Variants in PLA2G4A observed in about 807,000 individuals in gnomAD.
PLA2G4A encodes cytosolic phospholipase A2.
In PLA2G4A, 40 loss-of-function variants were observed where a neutral mutation model predicts 81.9. That is an observed-to-expected ratio of 0.49 (90% CI 0.38 to 0.64). PLA2G4A has a LOEUF of 0.64. PLA2G4A is among the 30% of genes least tolerant of loss of function. PLA2G4A has a pLI of 0.00. For synonymous variants in PLA2G4A, 302 were observed against 296.9 expected, an observed-to-expected ratio of 1.02 and a Z score of -0.18; for missense variants, 715 against 905.1, an observed-to-expected ratio of 0.79 and a Z score of 2.69.
At chr1:186,962,298 T>C (rs1300453749) in intron 14 of PLA2G4A, among the ~76,000 whole-genome samples, 3 of 152,202 alleles carry the variant, frequency 2.0e-5, no homozygotes, top group Non-Finnish European at 4.4e-5. Flanking sequence ...AGATTTGTAC[T>C]ATGCACAGTT....
At chr1:186,871,190 G>C (rs12720512) in intron 3 of PLA2G4A, among the ~76,000 whole-genome samples, 1 of 152,074 alleles carries the variant, frequency 6.6e-6, no homozygotes, top group South Asian at 2.1e-4. Flanking sequence ...GAAATGATGC[G>C]ATCCACAGCC....
At chr1:186,871,146 T>C (rs1379025106) in intron 3 of PLA2G4A, among the ~76,000 whole-genome samples, 1 of 152,164 alleles carries the variant, frequency 6.6e-6, no homozygotes, top group Non-Finnish European at 1.5e-5. Flanking sequence ...TTATTTTGTA[T>C]GGAATAGCCA....
At chr1:186,831,255 T>C (rs557819029) in intron 1 of PLA2G4A, among the ~76,000 whole-genome samples, 163 of 152,222 alleles carry the variant, frequency 1.1e-3, no homozygotes, top group Non-Finnish European at 1.7e-3. Context: ...TTTCTGATAA[T>C]ATAAAATGAT....
At chr1:186,829,955 A>C (rs1651488760) in intron 1 of PLA2G4A, among the ~76,000 whole-genome samples, 1 of 152,218 alleles carries the variant, frequency 6.6e-6, no homozygotes, top group Non-Finnish European at 1.5e-5. Flanking sequence ...TATATTTGCC[A>C]ATATAATTTG....
At chr1:186,884,290 A>C (rs1001140850) in intron 3 of PLA2G4A, among the ~76,000 whole-genome samples, 1 of 147,874 alleles carries the variant, frequency 6.8e-6, no homozygotes, top group Non-Finnish European at 1.5e-5. Flanking sequence ...TGTGAGTCTG[A>C]ATTGTGTCCT....
At chr1:186,937,090 T>A (rs1018899051) in intron 8 of PLA2G4A, among the ~76,000 whole-genome samples, 1 of 151,632 alleles carries the variant, frequency 6.6e-6, no homozygotes, top group African/African-American at 2.4e-5. Context: ...AGGGACACCA[T>A]GAAAAGATTA....
intron 3 of PLA2G4A, 52 bp from the exon 4 acceptor site, chr1:186,892,959 G>C: frequency 7.6e-7 from 1 of 1,317,144 alleles, no homozygotes; most frequent in Non-Finnish European, 1.1e-6. Context: ...AAAAAATTAG[G>C]AACTATGAAT....
chr1:186,895,288 A>C (rs1654294860), intron 5 of PLA2G4A, among the ~76,000 whole-genome samples: 2 of 152,200 alleles, frequency 1.3e-5, no homozygotes, highest in Admixed American at 1.3e-4. Flanking sequence ...ACTTAGCCCA[A>C]ATGAGCTTCT....
chr1:186,946,617 T>C lies in PLA2G4A; in HGVS notation c.1034-20T>C. The C allele has an allele frequency of 3.8e-6, 6 of 1,588,976 alleles. No individual in the cohort carries two copies. The highest frequency in any genetic ancestry group is 5.2e-6 in the Non-Finnish European group (6 of 1,157,872). The stretch of plus-strand genomic sequence containing the variant: ...GCATTTTCCTATTAATGGATTGCCT[T>C]GTTTTTAAAATACTTTCAGATTGGG... On this transcript the variant is annotated intron_variant, in intron 10 of 17. Transcript: ENST00000367466.
rs777497527 is a variant in PLA2G4A, at chr1:186,911,348, T to C, written c.517T>C (p.Leu173=). The C allele has an allele frequency of 2.5e-6, 4 of 1,611,968 alleles. No individual in the cohort carries two copies. Among genetic ancestry groups the C allele is most frequent in the Middle Eastern group, 1.7e-4 (1 of 6,060 alleles). The change falls in exon 7 of 18, where the codon TTG becomes CTG. Residue 173 remains leucine (L), a synonymous_variant. Coordinates refer to ENST00000367466, the MANE Select transcript of PLA2G4A (RefSeq NM_024420.3). ...EHIRESMKKL[L]GPKNSEGLHS... Reference sequence around the variant, plus strand: ...CATAAGGGAGAGCATGAAGAAACTCTTGGGTCCAAAGAATAGTGAAGGATT... The same window carrying C: ...CATAAGGGAGAGCATGAAGAAACTCCTGGGTCCAAAGAATAGTGAAGGATT...
intron 2 of PLA2G4A, among the ~76,000 whole-genome samples, chr1:186,864,449 C>A (rs1016612087): frequency 6.6e-6 from 1 of 152,024 alleles, no homozygotes; most frequent in African/African-American, 2.4e-5. Flanking sequence ...TTCTCTACAT[C>A]TATGCCAGCA....
At chr1:186,907,237 A>G (rs866306111) in intron 6 of PLA2G4A, among the ~76,000 whole-genome samples, 2 of 152,152 alleles carry the variant, frequency 1.3e-5, no homozygotes, top group African/African-American at 2.4e-5. Context: ...CAATAGTTTC[A>G]TGGTCATATA....
chr1:186,949,822 G>A (rs1656489457), intron 12 of PLA2G4A, among the ~76,000 whole-genome samples: 1 of 149,898 alleles, frequency 6.7e-6, no homozygotes, highest in Non-Finnish European at 1.5e-5. Context: ...AGGAGTTTGA[G>A]ACCAGCCTAG....
At chr1:186,898,010 A>G (rs34866477) in intron 5 of PLA2G4A, among the ~76,000 whole-genome samples, 17,815 of 152,058 alleles carry the variant, frequency 0.12, 1,135 homozygotes, top group Middle Eastern at 0.19. Flanking sequence ...TCTCATCATT[A>G]TGTTCCTGTG....
At chr1:186,943,254 C>A (rs1407673649) in intron 10 of PLA2G4A, among the ~76,000 whole-genome samples, 1 of 152,124 alleles carries the variant, frequency 6.6e-6, no homozygotes, top group Non-Finnish European at 1.5e-5. Context: ...AAATTTTCAA[C>A]AAATAAACAT....
At chr1:186,880,847 G>T (rs1369713144) in intron 3 of PLA2G4A, among the ~76,000 whole-genome samples, 2 of 152,006 alleles carry the variant, frequency 1.3e-5, no homozygotes, top group East Asian at 3.9e-4. Context: ...CCAAAGATAT[G>T]TTTTTTCCCT....
intron 4 of PLA2G4A, among the ~76,000 whole-genome samples, chr1:186,893,591 G>T (rs1654224743): frequency 6.6e-6 from 1 of 151,996 alleles, no homozygotes; most frequent in African/African-American, 2.4e-5. Context: ...AAATCAATCA[G>T]GAAAATGTGA....
chr1:186,976,792 C>T (rs1443298130), intron 15 of PLA2G4A, among the ~76,000 whole-genome samples: 1 of 152,202 alleles, frequency 6.6e-6, no homozygotes, highest in African/African-American at 2.4e-5. Flanking sequence ...GTGAGTTAGC[C>T]TGCTTTGGTG....
At chr1:186,919,380 C>T (rs182202752) in intron 7 of PLA2G4A, among the ~76,000 whole-genome samples, 2 of 152,284 alleles carry the variant, frequency 1.3e-5, no homozygotes, top group Admixed American at 6.5e-5. Context: ...TCCCAGGTAG[C>T]GTACCTGCTG....
Sources: gnomAD v4.1 joint callset for allele counts (sites outside exome capture counted in the v4.1 genomes callset) on GRCh38, gnomAD v4.1.1 for gene constraint, MANE v1.5 for transcripts, NCBI Gene and HGNC (gene_info 2026-07-23, HGNC 2026-07-21) for gene names.